SBF2: variants seen among roughly 807,000 people sequenced by gnomAD.
The protein encoded by SBF2 is myotubularin-related protein 13.
SBF2 carries 112 observed loss-of-function variants against 225.2 expected under a neutral mutation model. That is an observed-to-expected ratio of 0.50 (90% confidence interval 0.43 to 0.58). The LOEUF is 0.58. Ranked by LOEUF, SBF2 falls within the 20% of genes least tolerant of loss-of-function variation. The probability of loss-of-function intolerance (pLI) is 0.00; values close to 1 mark genes in which losing one functional copy is unlikely to be tolerated. For missense variants in SBF2, 1,996 were observed against 2,206.2 expected (o/e 0.90, Z 1.91); for synonymous variants, 763 against 773.3 (o/e 0.99, Z 0.22).
intron 2 of SBF2, among the ~76,000 whole-genome samples, chr11:10,073,074 T>C (rs1458634471): frequency 3.3e-5 from 5 of 152,058 alleles, no homozygotes; most frequent in African/African-American, 7.2e-5. Flanking sequence ...TTGCTTTCAA[T>C]TGACTCCTTC....
rs139607959 is a variant in SBF2, at chr11:10,304,163, G to T, written n.386+329C>A. ...TTCCTTGCCTGACTCAAGGGTGGCT[G>T]TGAAGCTCAAAGTAGACTGGGATGT... On this transcript the variant is annotated intron_variant and non_coding_transcript_variant, in intron 1 of 5. Coordinates refer to the SBF2 transcript ENST00000685217. 8.4e-3 allele frequency among the ~76,000 whole-genome samples: 1,272 copies of T among 152,298 alleles called. 8 individuals are homozygous for T. The highest frequency in any genetic ancestry group is 0.022 in the South Asian group (104 of 4,828).
chr11:10,184,295 T>G (rs77756009), intron 2 of SBF2, among the ~76,000 whole-genome samples: 1 of 152,282 alleles, frequency 6.6e-6, no homozygotes, highest in East Asian at 1.9e-4. Context: ...GTCTTGATTA[T>G]TGAGCCTTAT....
At chr11:10,003,693 T>C (rs1948072092) in intron 6 of SBF2, among the ~76,000 whole-genome samples, 1 of 151,974 alleles carries the variant, frequency 6.6e-6, no homozygotes, top group African/African-American at 2.4e-5. Context: ...TATCTTCTCT[T>C]TTTTCCTTCT....
intron 2 of SBF2, among the ~76,000 whole-genome samples, chr11:10,079,948 T>C (rs994137573): frequency 1.3e-5 from 2 of 151,030 alleles, no homozygotes; most frequent in African/African-American, 4.9e-5. Context: ...TCAAAGTGCT[T>C]AAAGAAAAAA....
At position 10,071,052 on chromosome 11, in the gene SBF2, G is replaced by T. The variant is rs147219434; in HGVS notation, c.142-28071C>A. On this transcript the variant is annotated intron_variant, in intron 2 of 39. Transcript: ENST00000256190. The stretch of plus-strand genomic sequence containing the variant: ...CTGAAGCTGCCTATCAGCTTAAGGA[G>T]GTTTTGGGCTGAGACGATGGTGTTT... 4.8e-3 allele frequency among the ~76,000 whole-genome samples: 733 copies of T among 152,242 alleles called. 8 individuals carry two copies. Among genetic ancestry groups the T allele is most frequent in the African/African-American group, 0.017 (700 of 41,542 alleles).
At chr11:9,948,004 T>A (rs551895431) in intron 16 of SBF2, among the ~76,000 whole-genome samples, 53 of 152,156 alleles carry the variant, frequency 3.5e-4, no homozygotes, top group Non-Finnish European at 6.2e-4. Flanking sequence ...AGCAGCATTA[T>A]TTACAATAAG....
intron 1 of SBF2, among the ~76,000 whole-genome samples, chr11:10,286,716 A>G (rs1963817900): frequency 6.6e-6 from 1 of 152,154 alleles, no homozygotes; most frequent in African/African-American, 2.4e-5. Flanking sequence ...AGAGAAGTTA[A>G]CAAAAAATGG....
intron 17 of SBF2, among the ~76,000 whole-genome samples, chr11:9,881,932 G>A (rs1859796770): frequency 1.3e-5 from 2 of 152,150 alleles, no homozygotes; most frequent in African/African-American, 4.8e-5. Context: ...AGGCTGCAGT[G>A]AGCCATGATT....
chr11:9,804,626 C>T (rs1853689198), intron 32 of SBF2, among the ~76,000 whole-genome samples: 2 of 152,178 alleles, frequency 1.3e-5, no homozygotes, highest in East Asian at 1.9e-4. Flanking sequence ...TCACTGGTCC[C>T]AGGCAGTCAC....
At chr11:10,140,503 A>G (rs1954591379) in intron 2 of SBF2, among the ~76,000 whole-genome samples, 1 of 152,216 alleles carries the variant, frequency 6.6e-6, no homozygotes, top group African/African-American at 2.4e-5. Flanking sequence ...TAACTGGGGC[A>G]GGGAAGCTCT....
chr11:10,249,775 CATTGGAATGCTATGGGGGAGTCCAT>C, intron 1 of SBF2, among the ~76,000 whole-genome samples: 1 of 106,094 alleles, frequency 9.4e-6, no homozygotes, highest in South Asian at 3.9e-4. Flanking sequence ...GAGTCCATAG[CATTGGAATGCTATGGGGGAGTCCAT>C]AGCATTGGAA....
In SBF2 at chr11:10,001,014, T is replaced by G; in HGVS notation, c.761A>C (p.Tyr254Ser). The change falls in exon 8 of 40, where the codon TAT becomes TCT. Residue 254 changes from tyrosine to serine, a missense_variant. By Grantham distance (144) the Tyr-to-Ser change is moderately radical (BLOSUM62 -2). Transcript: ENST00000256190. The part of the protein sequence containing the change: ...LMFPLKYSYP[Y>S]IPILPAQLLE... ...TAGCTGAGCCGGGAGAATAGGGATA[T>G]AAGGATAACTGGAAATAATAAAAAT... is the stretch of plus-strand genomic sequence containing the variant. The G allele has an allele frequency of 6.5e-7, 1 of 1,541,452 alleles. No individual in the cohort carries two copies. Among genetic ancestry groups the G allele is most frequent in the Non-Finnish European group, 9.0e-7 (1 of 1,113,956 alleles).
chr11:10,111,934 T>TA (rs1952881385), intron 2 of SBF2, among the ~76,000 whole-genome samples: 1 of 152,152 alleles, frequency 6.6e-6, no homozygotes, highest in Non-Finnish European at 1.5e-5. Flanking sequence ...TTTCACTATT[T>TA]AAAAAATTCT....
chr11:9,888,862 C>T lies in SBF2; in HGVS notation c.1929+7081G>A, dbSNP rs371383046. 3.3e-5 allele frequency among the ~76,000 whole-genome samples: 5 copies of T among 152,322 alleles called. No individual in the cohort carries two copies. The South Asian group carries it at 6.2e-4, about 19-fold the overall frequency. On this transcript the variant is annotated intron_variant, in intron 17 of 39. Coordinates refer to ENST00000256190, the MANE Select transcript of SBF2 (RefSeq NM_030962.4). ...GGTAGTATAGATTCTTTCCAAGCCA[C>T]ATTTCCTTCACCTTAAAATGGAATA... is the stretch of plus-strand genomic sequence containing the variant.
At chr11:10,006,646 A>G (rs2403260) in intron 6 of SBF2, among the ~76,000 whole-genome samples, 146,854 of 152,244 alleles carry the variant, frequency 0.96, 71,033 homozygotes, top group Middle Eastern at 1. Context: ...AATAAATGTT[A>G]CCCTCTCAAA....
rs1958037881 is a variant in SBF2, at chr11:10,214,129, A to C, written c.56-20142T>G. 2.0e-5 allele frequency among the ~76,000 whole-genome samples: 3 copies of C among 152,218 alleles called. No homozygotes were observed. In the South Asian group the frequency reaches 6.2e-4, roughly 32 times the overall value. Reference sequence around the variant, plus strand: ...CTAAACACTATTGACATTTTGGGCCAGGTAACTCTTTGTTGTGGTGGTGGG... The same window carrying C: ...CTAAACACTATTGACATTTTGGGCCCGGTAACTCTTTGTTGTGGTGGTGGG... On this transcript the variant is annotated intron_variant, in intron 1 of 39. Transcript: ENST00000256190.
rs1857113021 is a variant in SBF2, at chr11:9,853,559, G to C, written c.2517C>G (p.Ser839Arg). The C allele has an allele frequency of 6.2e-7, 1 of 1,613,870 alleles. No homozygotes were observed. Among genetic ancestry groups the C allele is most frequent in the Non-Finnish European group, 8.5e-7 (1 of 1,179,844 alleles). Reference protein sequence around the residue: ...ESGVTQDHIKSLHCMIPGIVA... With the variant: ...ESGVTQDHIKRLHCMIPGIVA... ...GATTACCTGGTATCATGCAATGAAGGCTCTTGATGTGATCCTGAGTAACTC... is the reference window on the plus strand; with the variant it reads ...GATTACCTGGTATCATGCAATGAAGCCTCTTGATGTGATCCTGAGTAACTC... The change falls in exon 20 of 40, where the codon AGC becomes AGG. Residue 839 changes from serine to arginine, a missense_variant. Transcript: ENST00000256190.
At chr11:10,158,584 A>G (rs1184089394) in intron 2 of SBF2, among the ~76,000 whole-genome samples, 2 of 152,226 alleles carry the variant, frequency 1.3e-5, no homozygotes, top group African/African-American at 4.8e-5. Context: ...AAATGTATCA[A>G]TTCCTAGAAA....
chr11:9,955,443 T>C (rs1866100195), intron 16 of SBF2, among the ~76,000 whole-genome samples: 2 of 152,100 alleles, frequency 1.3e-5, no homozygotes, highest in Admixed American at 1.3e-4. Flanking sequence ...CTTGTTTCTA[T>C]TTAGTAGCTG....
Sources: gnomAD v4.1 joint callset for allele counts (sites outside exome capture counted in the v4.1 genomes callset) on GRCh38, gnomAD v4.1.1 for gene constraint, MANE v1.5 for transcripts, NCBI Gene and HGNC (gene_info 2026-07-23, HGNC 2026-07-21) for gene names.